The following PCDHGA4 variants were observed in gnomAD, a reference collection of about 807,000 sequenced individuals.
PCDHGA4 encodes protocadherin gamma-A4.
Under a neutral mutation model 54.6 loss-of-function variants are expected in PCDHGA4, and 38 were observed. The ratio of observed to expected loss-of-function variants is 0.70; its 90% confidence interval spans 0.54 to 0.91. The LOEUF (loss-of-function observed/expected upper bound fraction) is 0.91, where lower values mean the gene tolerates loss of function less well. Among genes scored for constraint, PCDHGA4 ranks in the 40% least tolerant of loss-of-function variants. PCDHGA4 has a pLI of 0.00. For synonymous variants in PCDHGA4, 511 were observed against 512.9 expected (o/e 1.00, Z 0.05); for missense variants, 1,298 against 1,220.9 (o/e 1.06, Z -0.94).
intron 1 of PCDHGA4, chr5:141,422,819 T>C (rs369004166): frequency 2.5e-6 from 4 of 1,614,068 alleles, no homozygotes; most frequent in Non-Finnish European, 2.5e-6. Flanking sequence ...GACTTAGAAC[T>C]GAGAGTGATA....
chr5:141,499,486 C>T (rs569172977), intron 2 of PCDHGA4, among the ~76,000 whole-genome samples: 3 of 152,284 alleles, frequency 2.0e-5, no homozygotes, highest in East Asian at 1.9e-4. Context: ...CCACCAACTA[C>T]AGTTTAATAT....
intron 1 of PCDHGA4, chr5:141,399,347 A>G: frequency 6.2e-7 from 1 of 1,613,926 alleles, no homozygotes. Flanking sequence ...GGAACCCTAG[A>G]CCGAGAGCAA....
At chr5:141,484,311 C>T (rs1234690996) in intron 1 of PCDHGA4, among the ~76,000 whole-genome samples, 2 of 152,196 alleles carry the variant, frequency 1.3e-5, no homozygotes, top group African/African-American at 4.8e-5. Flanking sequence ...CTCCACCCCG[C>T]TTCCATACTG....
In PCDHGA4 at chr5:141,384,330, G is replaced by A. The variant is rs758151138; in HGVS notation, c.2514+26709G>A. 44 of 1,613,830 alleles carry A rather than the reference G, an allele frequency of 2.7e-5. No individual in the cohort carries two copies. The African/African-American group carries it at 2.8e-4, about 10-fold the overall frequency. On this transcript the variant is annotated intron_variant, in intron 1 of 3. Coordinates refer to ENST00000571252, the MANE Select transcript of PCDHGA4 (RefSeq NM_018917.4). ...CCTCCATTTTCTTAGTGACTGCACA[G>A]GACCACGACAGTGAGGATAATGCCC...
intron 1 of PCDHGA4, among the ~76,000 whole-genome samples, chr5:141,406,975 C>A (rs1434644612): frequency 6.6e-6 from 1 of 152,108 alleles, no homozygotes; most frequent in African/African-American, 2.4e-5. Flanking sequence ...TAGTAAATAA[C>A]ATTTCACAAG....
At chr5:141,445,963 A>G (rs2098483291) in intron 1 of PCDHGA4, among the ~76,000 whole-genome samples, 2 of 152,342 alleles carry the variant, frequency 1.3e-5, no homozygotes, top group South Asian at 2.1e-4. Flanking sequence ...TATATGGAGA[A>G]TTGATTTATG....
At position 141,485,286 on chromosome 5, in the gene PCDHGA4, A is replaced by G; in HGVS notation, c.2515-9521A>G. The G allele has an allele frequency of 2.5e-6, 4 of 1,614,044 alleles. No individual in the cohort carries two copies. On this transcript the variant is annotated intron_variant, in intron 1 of 3. Transcript: ENST00000571252. This position sits in a 1 kb window ranked among gnomAD's most constrained non-coding sequence, Gnocchi z 5.7. ...CAGATCCGCTACCCGGTCCCAGAGG[A>G]GTCACAGGAAGGGACTTTTGTAGGG...
chr5:141,419,738 C>T (rs745596534), intron 1 of PCDHGA4: 2 of 1,613,796 alleles, frequency 1.2e-6, no homozygotes, highest in Non-Finnish European at 1.7e-6. Flanking sequence ...AGGCGAGGTG[C>T]GCATGGTGCG....
At position 141,418,475 on chromosome 5, in the gene PCDHGA4, A is replaced by G; in HGVS notation, c.2514+60854A>G. On this transcript the variant is annotated intron_variant, in intron 1 of 3. Transcript: ENST00000571252. The stretch of plus-strand genomic sequence containing the variant: ...GAAGACTCTGGACCGAGAAACGCAG[A>G]GCGCTCACCACTTGGTACTGACCGC... 3 of 1,614,000 alleles carry G rather than the reference A, an allele frequency of 1.9e-6. No individual in the cohort carries two copies. Among genetic ancestry groups the G allele is most frequent in the Non-Finnish European group, 2.5e-6 (3 of 1,179,892 alleles).
chr5:141,481,913 CAAAAAA>C (rs34114744), intron 1 of PCDHGA4, among the ~76,000 whole-genome samples: 1 of 90,850 alleles, frequency 1.1e-5, no homozygotes. Flanking sequence ...AACTCCATCT[CAAAAAA>C]AAAAAAAAAA....
chr5:141,421,379 AGGACCTGGGGCT>A, intron 1 of PCDHGA4: 1 of 1,614,054 alleles, frequency 6.2e-7, no homozygotes, highest in South Asian at 1.1e-5. Context: ...AATATCTCCA[AGGACCTGGGGCT>A]GGAGCCCCGG....
chr5:141,401,320 C>A (rs1420214369), intron 1 of PCDHGA4, among the ~76,000 whole-genome samples: 1 of 151,626 alleles, frequency 6.6e-6, no homozygotes, highest in East Asian at 1.9e-4. Flanking sequence ...CCAGCCTGGG[C>A]AACAAGAGCA....
At chr5:141,495,255 G>A (rs1055329757) in intron 2 of PCDHGA4, among the ~76,000 whole-genome samples, 5 of 152,212 alleles carry the variant, frequency 3.3e-5, no homozygotes, top group African/African-American at 1.2e-4. Flanking sequence ...GGCTCAGGCA[G>A]AAAAGCATTT....
At chr5:141,430,351 A>G (rs923321842) in intron 1 of PCDHGA4, among the ~76,000 whole-genome samples, 5 of 152,046 alleles carry the variant, frequency 3.3e-5, no homozygotes, top group African/African-American at 1.2e-4. Flanking sequence ...CAATTCATTT[A>G]AAAGCTCATT....
At chr5:141,419,674 C>T (rs372932653) in intron 1 of PCDHGA4, 48 of 1,612,820 alleles carry the variant, frequency 3.0e-5, no homozygotes, top group Non-Finnish European at 3.7e-5. Context: ...CCTGGCTGTC[C>T]TACCACGTGG....
At chr5:141,449,021 C>T (rs897401758) in intron 1 of PCDHGA4, among the ~76,000 whole-genome samples, 3 of 152,104 alleles carry the variant, frequency 2.0e-5, no homozygotes, top group Non-Finnish European at 4.4e-5. Context: ...AGTTGCTTAG[C>T]ATTCCTTTGG....
chr5:141,364,281 A>T, intron 1 of PCDHGA4: 2 of 1,516,544 alleles, frequency 1.3e-6, no homozygotes, highest in South Asian at 2.7e-5. Context: ...ATAAATAAGG[A>T]AACAGCAGGC....
At chr5:141,508,434 G>A (rs2099868795) in intron 3 of PCDHGA4, among the ~76,000 whole-genome samples, 1 of 152,160 alleles carries the variant, frequency 6.6e-6, no homozygotes, top group Admixed American at 6.5e-5. Flanking sequence ...AGCTCACACA[G>A]TTCCTTAGTG....
intron 1 of PCDHGA4, among the ~76,000 whole-genome samples, chr5:141,482,488 G>C (rs1401943298): frequency 7.7e-6 from 1 of 130,410 alleles, no homozygotes; most frequent in African/African-American, 3.1e-5. Context: ...ACAATTAAAA[G>C]TTATCATTCT....
Sources: gnomAD v4.1 joint callset for allele counts (sites outside exome capture counted in the v4.1 genomes callset) on GRCh38, gnomAD v4.1.1 for gene constraint, Gnocchi (gnomAD v3.1) non-coding constraint, MANE v1.5 for transcripts, NCBI Gene and HGNC (gene_info 2026-07-23, HGNC 2026-07-21) for gene names.